ACAD10: variants seen among roughly 807,000 people sequenced by gnomAD.
The protein encoded by ACAD10 is acyl-CoA dehydrogenase family member 10, also known as ACAD-10.
In ACAD10, 112 loss-of-function variants were observed where a neutral mutation model predicts 116.8. The ratio of observed to expected loss-of-function variants is 0.96; its 90% CI spans 0.82 to 1.12. The LOEUF is 1.12. ACAD10 is among the 50% of genes most tolerant of loss of function. The pLI, the probability that ACAD10 is intolerant of heterozygous loss-of-function variation, is 0.00. For synonymous variants in ACAD10, 486 were observed against 510.6 expected (o/e 0.95, Z 0.65); for missense variants, 1,259 against 1,350.2 (o/e 0.93, Z 1.06).
chr12:111,698,449 A>G (rs1888252931), intron 2 of ACAD10, among the ~76,000 whole-genome samples: 1 of 145,270 alleles, frequency 6.9e-6, no homozygotes, highest in East Asian at 2.0e-4. Context: ...TTTTTCCGTG[A>G]ATTGCTCACT....
At chr12:111,703,864 G>A (rs563110616) in intron 3 of ACAD10, among the ~76,000 whole-genome samples, 3 of 150,814 alleles carry the variant, frequency 2.0e-5, no homozygotes, top group East Asian at 3.9e-4. Context: ...ACAAAAAAAG[G>A]TTAAAATGGT....
chr12:111,689,596 C>T (rs1318930075), intron 1 of ACAD10, among the ~76,000 whole-genome samples: 3 of 151,984 alleles, frequency 2.0e-5, no homozygotes, highest in South Asian at 2.1e-4. Context: ...AGGTTGGTCT[C>T]GAACTCTCGA....
intron 4 of ACAD10, 27 bp from the exon 5 acceptor site, chr12:111,709,499 C>G: frequency 1.3e-6 from 2 of 1,511,028 alleles, no homozygotes; most frequent in Non-Finnish European, 8.9e-7. Context: ...TCGGGACATT[C>G]ATCTCTCATT....
intron 20 of ACAD10, 108 bp from the exon 21 acceptor site, chr12:111,756,225 G>A (rs1593061127): frequency 6.9e-7 from 1 of 1,458,394 alleles, no homozygotes; most frequent in Non-Finnish European, 9.0e-7. Context: ...CCACAGGGAA[G>A]TCCGGGAAGA....
At chr12:111,734,463 A>G (rs1889491192) in intron 11 of ACAD10, among the ~76,000 whole-genome samples, 1 of 152,096 alleles carries the variant, frequency 6.6e-6, no homozygotes, top group Non-Finnish European at 1.5e-5. Context: ...TGTCTCTACT[A>G]AAAATACAAA....
chr12:111,691,193 G>C (rs1364554655), intron 1 of ACAD10: 2 of 152,146 alleles, frequency 1.3e-5, no homozygotes, highest in Non-Finnish European at 2.9e-5. Flanking sequence ...ACGTGTACAT[G>C]TATGTATGTG....
At chr12:111,744,259 A>G (rs942365174) in intron 12 of ACAD10, among the ~76,000 whole-genome samples, 2 of 152,176 alleles carry the variant, frequency 1.3e-5, no homozygotes, top group South Asian at 4.1e-4. Flanking sequence ...GTGGTCTAGG[A>G]TGCAGGACTT....
chr12:111,746,304 C>T lies in ACAD10; in HGVS notation c.2256+20C>T. The T allele has an allele frequency of 6.2e-7, 1 of 1,606,732 alleles. No individual in the cohort carries two copies. On this transcript the variant is annotated intron_variant, in intron 14 of 20. Coordinates refer to ENST00000313698, the MANE Select transcript of ACAD10 (RefSeq NM_025247.6). ...CCCGAGGTACCTTCTTTAAAGTTTT[C>T]CTCAGTGTGTGGGAACATCCTGATC... is the stretch of plus-strand genomic sequence containing the variant.
intron 11 of ACAD10, among the ~76,000 whole-genome samples, chr12:111,735,679 T>C (rs568157161): frequency 6.6e-6 from 1 of 152,162 alleles, no homozygotes; most frequent in South Asian, 2.1e-4. Context: ...ATGGTCTCGA[T>C]CTCCTGACCT....
At chr12:111,692,443 G>A (rs1273400515) in intron 1 of ACAD10, among the ~76,000 whole-genome samples, 8 of 152,208 alleles carry the variant, frequency 5.3e-5, no homozygotes, top group African/African-American at 1.9e-4. Flanking sequence ...AACTAGATAG[G>A]GCGAGGTGAG....
At chr12:111,703,185 C>T (rs1355386144) in intron 3 of ACAD10, among the ~76,000 whole-genome samples, 1 of 151,396 alleles carries the variant, frequency 6.6e-6, no homozygotes, top group Admixed American at 6.6e-5. Flanking sequence ...TACGAATGAA[C>T]AGCCAGATGA....
chr12:111,746,100 G>A (rs754330237), intron 13 of ACAD10, 44 bp from the exon 14 acceptor site: 4 of 1,594,808 alleles, frequency 2.5e-6, no homozygotes, highest in Non-Finnish European at 2.6e-6. Context: ...AAAATAAAAT[G>A]AAATCTTCCA....
chr12:111,753,400 C>A (rs560646114), intron 18 of ACAD10: 39 of 437,062 alleles, frequency 8.9e-5, no homozygotes, highest in Non-Finnish European at 4.6e-5. Context: ...CCTGCAGTCA[C>A]TCCCTCATTC....
intron 18 of ACAD10, among the ~76,000 whole-genome samples, chr12:111,752,243 A>T (rs1467431585): frequency 2.0e-5 from 3 of 151,930 alleles, no homozygotes; most frequent in African/African-American, 7.2e-5. Flanking sequence ...AAAAACAAAC[A>T]AAAACAGGCT....
chr12:111,755,642 A>G (rs1445475581), intron 19 of ACAD10, 26 bp from the exon 20 acceptor site: 7 of 1,606,302 alleles, frequency 4.4e-6, no homozygotes, highest in East Asian at 2.2e-5. Flanking sequence ...CGGGTCTTTT[A>G]TGATCGCATC....
At chr12:111,687,388 G>A (rs964588432) in intron 1 of ACAD10, among the ~76,000 whole-genome samples, 1 of 152,106 alleles carries the variant, frequency 6.6e-6, no homozygotes, top group Non-Finnish European at 1.5e-5. Context: ...GGTGTCCTGA[G>A]CATTGTAGAG....
At chr12:111,727,253 A>G (rs1215329072) in intron 8 of ACAD10, among the ~76,000 whole-genome samples, 2 of 151,498 alleles carry the variant, frequency 1.3e-5, no homozygotes, top group East Asian at 3.9e-4. Flanking sequence ...GGCCGGGAGC[A>G]GTGGCTCACG....
intron 7 of ACAD10, among the ~76,000 whole-genome samples, chr12:111,719,978 C>T (rs1479775567): frequency 6.6e-6 from 1 of 152,172 alleles, no homozygotes; most frequent in Non-Finnish European, 1.5e-5. Context: ...CCACCCGCCT[C>T]AGCCTCCCAA....
chr12:111,702,092 A>C, intron 2 of ACAD10, 70 bp from the exon 3 acceptor site: 1 of 1,513,724 alleles, frequency 6.6e-7, no homozygotes, highest in Non-Finnish European at 9.0e-7. Flanking sequence ...TGGTATGGTA[A>C]TTTTCCTGAG....
Sources: gnomAD v4.1 joint callset for allele counts (sites outside exome capture counted in the v4.1 genomes callset) on GRCh38, gnomAD v4.1.1 for gene constraint, MANE v1.5 for transcripts, NCBI Gene and HGNC (gene_info 2026-07-23, HGNC 2026-07-21) for gene names.